PHIP: variants seen among roughly 807,000 people sequenced by gnomAD.
PHIP encodes PH-interacting protein.
PHIP carries 54 observed loss-of-function variants against 236.8 expected under a neutral mutation model. The observed-to-expected ratio is 0.23, with a 90% CI of 0.18 to 0.29. The LOEUF (loss-of-function observed/expected upper bound fraction) is 0.29, where lower values mean the gene tolerates loss of function less well. Ranked by LOEUF, PHIP falls within the 10% of genes least tolerant of loss-of-function variation. PHIP has a pLI of 1.00. For synonymous variants in PHIP, 756 were observed against 718.9 expected (o/e 1.05, Z -0.83); for missense variants, 1,370 against 2,190.8 (o/e 0.63, Z 7.48).
chr6:79,039,508 A>T lies in PHIP; in HGVS notation c.600+3335T>A, dbSNP rs147533533. The stretch of plus-strand genomic sequence containing the variant: ...CCTTCTGTCAAGGTTTTATCACATT[A>T]TATCAATATTGTTTGTTTACCATCT... On this transcript the variant is annotated intron_variant, in intron 7 of 39. Transcript: ENST00000275034. Among the ~76,000 whole-genome samples the T allele has an allele frequency of 4.0e-3, 606 of 152,216 alleles. 3 individuals are homozygous for T. Among genetic ancestry groups the T allele is most frequent in the Non-Finnish European group, 5.3e-3 (360 of 67,986 alleles).
chr6:78,990,014 A>T (rs563813632), intron 20 of PHIP, among the ~76,000 whole-genome samples: 1 of 152,278 alleles, frequency 6.6e-6, no homozygotes, highest in Non-Finnish European at 1.5e-5. Context: ...TTTTGAAGAG[A>T]TGAGTAATAA....
chr6:79,012,033 C>T (rs1472505635), intron 15 of PHIP, among the ~76,000 whole-genome samples: 1 of 151,538 alleles, frequency 6.6e-6, no homozygotes, highest in Admixed American at 6.6e-5. Flanking sequence ...CACCTTTTCA[C>T]TTGAAAGGCT....
rs1242079939 is a variant in PHIP, at chr6:78,967,333, CACT to C, written c.3206-1280_3206-1278del. Among the ~76,000 whole-genome samples, 18 of 152,108 alleles carry C rather than the reference CACT, an allele frequency of 1.2e-4. 1 individual carries two copies. Among genetic ancestry groups the C allele is most frequent in the East Asian group, 3.9e-4 (2 of 5,192 alleles). ...TAATAAGAAGCATTCTTGACACCACCACTACCTCACACTAAACATAAAGTTTCA... is the reference window on the plus strand; with the variant it reads ...TAATAAGAAGCATTCTTGACACCACCACCTCACACTAAACATAAAGTTTCA... On this transcript the variant is annotated intron_variant, in intron 27 of 39. Coordinates refer to ENST00000275034, the MANE Select transcript of PHIP (RefSeq NM_017934.7).
intron 6 of PHIP, among the ~76,000 whole-genome samples, chr6:79,057,552 A>C (rs1357431845): frequency 3.3e-5 from 5 of 152,132 alleles, no homozygotes; most frequent in Non-Finnish European, 7.4e-5. Context: ...AATGTGTCAA[A>C]ATTTTAATAT....
Position 78,934,889 on chromosome 6 carries a change from T to C in PHIP, c.*5804A>G, listed in dbSNP as rs1773210284. On this transcript the variant is annotated 3_prime_UTR_variant, in exon 40 of 40. Coordinates refer to ENST00000275034, the MANE Select transcript of PHIP (RefSeq NM_017934.7). ...CTGCCAGTATGTCTAACCAATTAGG[T>C]AGAAAGGTATTTCATTGAATGACTT... Among the ~76,000 whole-genome samples, 1 of 152,152 alleles carries C rather than the reference T, an allele frequency of 6.6e-6. No individual in the cohort carries two copies. Among genetic ancestry groups the C allele is most frequent in the Non-Finnish European group, 1.5e-5 (1 of 68,020 alleles).
At position 78,981,232 on chromosome 6, in the gene PHIP, C is replaced by T. The variant is rs985114126; in HGVS notation, c.2769+1654G>A. Reference sequence around the variant, plus strand: ...TTCCAACCATGGGAATGCTTCTAGGCGCAGCTCAAATCTTATTTCCTCTAG... The same window carrying T: ...TTCCAACCATGGGAATGCTTCTAGGTGCAGCTCAAATCTTATTTCCTCTAG... On this transcript the variant is annotated intron_variant, in intron 23 of 39. Coordinates refer to ENST00000275034, the MANE Select transcript of PHIP (RefSeq NM_017934.7). 9.2e-5 allele frequency among the ~76,000 whole-genome samples: 14 copies of T among 151,892 alleles called. No homozygotes were observed. In the East Asian group the frequency reaches 2.1e-3, roughly 23 times the overall value.
At chr6:78,946,366 T>TA in intron 37 of PHIP, 106 bp from the exon 38 acceptor site, 2 of 1,406,394 alleles carry the variant, frequency 1.4e-6, no homozygotes, top group Non-Finnish European at 1.9e-6. Context: ...TGAAATATGT[T>TA]AAAATATGAG....
Position 78,947,710 on chromosome 6 carries a change from C to G in PHIP, c.4119G>C (p.Gly1373=). 1 of 1,590,080 alleles carries G rather than the reference C, an allele frequency of 6.3e-7. No homozygotes were observed. Among genetic ancestry groups the G allele is most frequent in the Non-Finnish European group, 8.6e-7 (1 of 1,158,384 alleles). Residue 1373 remains glycine, a synonymous_variant, in exon 36 of 40, where the codon GGG becomes GGC. Transcript: ENST00000275034. ...FATVRETLEA[G]NYESPMELCK... ...ATAACTCCATTGGTGACTCATAATT[C>G]CCAGCCTCTAAAGTTTCTCTAACGG...
At chr6:79,075,324 G>C (rs1240488491) in intron 4 of PHIP, among the ~76,000 whole-genome samples, 1 of 152,084 alleles carries the variant, frequency 6.6e-6, no homozygotes, top group South Asian at 2.1e-4. Context: ...TATAGAGTAA[G>C]CAATATGCTG....
rs1768560786 is a variant in PHIP at position 78,991,436 on chromosome 6, A to G, written c.2202-451T>C. ...ACACGGAAAGCCCTGAAAGAACTAC[A>G]CTCTTTCCAGAGACAGGGAGGTCAG... On this transcript the variant is annotated intron_variant, in intron 19 of 39. Coordinates refer to ENST00000275034, the MANE Select transcript of PHIP (RefSeq NM_017934.7). 2.6e-5 allele frequency among the ~76,000 whole-genome samples: 4 copies of G among 151,962 alleles called. No individual in the cohort carries two copies. The South Asian group carries it at 8.3e-4, about 32-fold the overall frequency.
intron 17 of PHIP, among the ~76,000 whole-genome samples, chr6:78,999,054 A>C (rs907520958): frequency 1.3e-5 from 2 of 152,156 alleles, no homozygotes; most frequent in Non-Finnish European, 2.9e-5. Context: ...CTCTCGGACA[A>C]GGTAGCATTT....
At position 79,077,496 on chromosome 6, in the gene PHIP, C is replaced by A. The variant is rs753591508; in HGVS notation, c.141G>T (p.Arg47=). ...GCTCCTTCCCGGTCCAGTCGGTGCGCCGGGGCAGCAGCTGCGGGGAGAGGA... is the reference window on the plus strand; with the variant it reads ...GCTCCTTCCCGGTCCAGTCGGTGCGACGGGGCAGCAGCTGCGGGGAGAGGA... ...REVAEKELLP[R]RTDWTGKEHP... is the part of the protein sequence containing the mutation. The change falls in exon 4 of 40, where the codon CGG becomes CGT. Residue 47 remains arginine (R), a synonymous_variant. Transcript: ENST00000275034. The A allele has an allele frequency of 1.3e-6, 2 of 1,558,528 alleles. No individual in the cohort carries two copies. Among genetic ancestry groups the A allele is most frequent in the African/African-American group, 1.4e-5 (1 of 70,582 alleles).
chr6:78,974,092 C>T (rs973934805), intron 24 of PHIP, among the ~76,000 whole-genome samples: 5 of 152,044 alleles, frequency 3.3e-5, no homozygotes, highest in African/African-American at 1.2e-4. Context: ...AGCACCACAC[C>T]ACACCTATTC....
chr6:79,044,124 G>A (rs1772358201), intron 6 of PHIP, among the ~76,000 whole-genome samples: 1 of 151,808 alleles, frequency 6.6e-6, no homozygotes, highest in African/African-American at 2.4e-5. Context: ...AAAAATCTTT[G>A]GGCCTGGTGA....
intron 4 of PHIP, among the ~76,000 whole-genome samples, chr6:79,061,380 A>C (rs1409538580): frequency 1.3e-5 from 2 of 152,136 alleles, no homozygotes; most frequent in Non-Finnish European, 2.9e-5. Flanking sequence ...CCTCAGATAA[A>C]ACTTATGAAT....
chr6:78,988,351 T>C lies in PHIP; in HGVS notation c.2320-2A>G, dbSNP rs200515013. 20 of 1,566,058 alleles carry C rather than the reference T, an allele frequency of 1.3e-5. No individual in the cohort carries two copies. The East Asian group carries it at 2.7e-4, about 21-fold the overall frequency. On this transcript the variant is annotated splice_acceptor_variant, in intron 20 of 39. Coordinates refer to ENST00000275034, the MANE Select transcript of PHIP (RefSeq NM_017934.7). LOFTEE classifies it high-confidence loss of function. ...CAGGAAATGCTCATGAGCATGATTCTAGAAAAAAATAAATTAAATTTATTC... is the reference window on the plus strand; with the variant it reads ...CAGGAAATGCTCATGAGCATGATTCCAGAAAAAAATAAATTAAATTTATTC...
At chr6:79,052,199 T>C (rs189105512) in intron 6 of PHIP, among the ~76,000 whole-genome samples, 13 of 152,270 alleles carry the variant, frequency 8.5e-5, no homozygotes, top group Non-Finnish European at 4.4e-5. Context: ...TCTGGGAGTC[T>C]GGGAAAACTT....
At chr6:78,969,758 T>C (rs1767400153) in intron 27 of PHIP, 77 bp downstream of exon 27, 1 of 644,742 alleles carries the variant, frequency 1.6e-6, no homozygotes, top group East Asian at 2.8e-5. Flanking sequence ...TTTTTCTCAA[T>C]TATGAAAAAT....
rs1053989801 is a variant in PHIP, at chr6:78,997,000, T to C, written c.2201+414A>G. On this transcript the variant is annotated intron_variant, in intron 19 of 39. Transcript: ENST00000275034. ...ATATTTTAATATATATAAAATCTTT[T>C]TGTATTTTCCAATTTATTTTTTTTT... is the stretch of plus-strand genomic sequence containing the variant. Among the ~76,000 whole-genome samples the C allele has an allele frequency of 3.2e-4, 48 of 150,972 alleles. 3 individuals are homozygous for C. Among genetic ancestry groups the C allele is most frequent in the Admixed American group, 2.6e-3 (40 of 15,182 alleles).
Sources: allele counts gnomAD v4.1 joint callset (sites outside exome capture counted in the v4.1 genomes callset), GRCh38; gene constraint gnomAD v4.1.1; transcripts MANE v1.5; gene names NCBI Gene and HGNC (gene_info 2026-07-23, HGNC 2026-07-21).